The following UNC5D variants were observed in gnomAD, a reference collection of about 807,000 sequenced individuals.
UNC5D encodes netrin receptor UNC5D.
A neutral mutation model predicts 105.4 loss-of-function variants in UNC5D; 39 were observed. The observed-to-expected ratio is 0.37, with a 90% CI of 0.29 to 0.48. The LOEUF is 0.48. UNC5D is among the 20% of genes least tolerant of loss of function. The pLI is 0.98. For missense variants in UNC5D, 991 were observed against 1,202.4 expected (o/e 0.82, Z 2.60); for synonymous variants, 452 against 450.4 (o/e 1.00, Z -0.04).
At chr8:35,332,690 C>G (rs575218916) in intron 1 of UNC5D, among the ~76,000 whole-genome samples, 50 of 152,314 alleles carry the variant, frequency 3.3e-4, no homozygotes, top group African/African-American at 1.1e-3. Context: ...GTTCTAGGCA[C>G]TTCCTTTCTG....
chr8:35,280,999 G>T (rs1806113346), intron 1 of UNC5D, among the ~76,000 whole-genome samples: 1 of 152,062 alleles, frequency 6.6e-6, no homozygotes, highest in Non-Finnish European at 1.5e-5. Flanking sequence ...TCAGCTTGAT[G>T]CCTTTTCCCC....
chr8:35,307,875 G>C (rs996152004), intron 1 of UNC5D, among the ~76,000 whole-genome samples: 2 of 152,040 alleles, frequency 1.3e-5, no homozygotes, highest in Non-Finnish European at 2.9e-5. Context: ...AAGACTGTTG[G>C]GGGGAAACTT....
rs76466101 is a variant in UNC5D, at chr8:35,397,618, C to T, written c.104-151674C>T. 6.6e-5 allele frequency among the ~76,000 whole-genome samples: 10 copies of T among 152,188 alleles called. No homozygotes were observed. In the East Asian group the frequency reaches 1.9e-3, roughly 29 times the overall value. On this transcript the variant is annotated intron_variant, in intron 1 of 16. Transcript: ENST00000404895. The stretch of plus-strand genomic sequence containing the variant: ...TCAGCTGGTCTTTGCTCTGTTCCCT[C>T]ATCCCAGTGTACAGTTGTCTGCCAA...
intron 15 of UNC5D, among the ~76,000 whole-genome samples, chr8:35,768,975 C>T (rs1040230312): frequency 6.6e-6 from 1 of 152,170 alleles, no homozygotes; most frequent in African/African-American, 2.4e-5. Context: ...AGCATAGCTA[C>T]AGAATTTGGC....
intron 7 of UNC5D, among the ~76,000 whole-genome samples, chr8:35,688,959 T>G (rs1340242040): frequency 6.6e-6 from 1 of 152,230 alleles, no homozygotes; most frequent in Non-Finnish European, 1.5e-5. Context: ...TCTGGTCAAT[T>G]TTATGTGTCA....
At chr8:35,784,631 C>T (rs1802660246) in intron 16 of UNC5D, among the ~76,000 whole-genome samples, 1 of 151,900 alleles carries the variant, frequency 6.6e-6, no homozygotes, top group Admixed American at 6.6e-5. Flanking sequence ...ACCTGTAATC[C>T]CTGCTACTCG....
intron 4 of UNC5D, among the ~76,000 whole-genome samples, chr8:35,607,445 T>C (rs777135737): frequency 6.6e-5 from 10 of 152,194 alleles, no homozygotes; most frequent in Non-Finnish European, 1.2e-4. Flanking sequence ...TCCATGCTTC[T>C]CTCCTAGATG....
At chr8:35,289,770 G>A (rs1177033051) in intron 1 of UNC5D, among the ~76,000 whole-genome samples, 2 of 152,178 alleles carry the variant, frequency 1.3e-5, no homozygotes, top group Non-Finnish European at 2.9e-5. Flanking sequence ...CATATAAATG[G>A]CCAATAGGTA....
At chr8:35,350,384 G>T (rs539024621) in intron 1 of UNC5D, among the ~76,000 whole-genome samples, 1 of 152,070 alleles carries the variant, frequency 6.6e-6, no homozygotes, top group African/African-American at 2.4e-5. Flanking sequence ...CTCCCTTAGC[G>T]TAGGTGTCTT....
intron 1 of UNC5D, among the ~76,000 whole-genome samples, chr8:35,427,144 TC>T (rs1563407419): frequency 1.3e-5 from 2 of 152,142 alleles, no homozygotes; most frequent in Admixed American, 6.5e-5. Context: ...AATTCAGGGT[TC>T]CCCCCAACTA....
chr8:35,511,888 A>C (rs751988835), intron 1 of UNC5D, among the ~76,000 whole-genome samples: 1 of 152,134 alleles, frequency 6.6e-6, no homozygotes, highest in South Asian at 2.1e-4. Context: ...AAACTGATAT[A>C]CTTAACCTTG....
chr8:35,675,778 C>T (rs993642437), intron 4 of UNC5D, among the ~76,000 whole-genome samples: 6 of 151,874 alleles, frequency 4.0e-5, no homozygotes, highest in Middle Eastern at 3.4e-3. Context: ...TTGTTTTTTC[C>T]ATTTCTAAAG....
At chr8:35,603,992 T>C (rs1820087510) in intron 4 of UNC5D, among the ~76,000 whole-genome samples, 1 of 152,250 alleles carries the variant, frequency 6.6e-6, no homozygotes, top group African/African-American at 2.4e-5. Flanking sequence ...CTTGACTCTT[T>C]ATCCAGATTG....
intron 1 of UNC5D, among the ~76,000 whole-genome samples, chr8:35,311,885 C>T (rs1000550520): frequency 3.3e-5 from 5 of 152,148 alleles, no homozygotes; most frequent in African/African-American, 9.7e-5. Context: ...GTGGTATTTA[C>T]AATCCTTGTA....
intron 4 of UNC5D, among the ~76,000 whole-genome samples, chr8:35,660,088 C>T (rs766883150): frequency 1.3e-5 from 2 of 152,178 alleles, no homozygotes; most frequent in Admixed American, 6.5e-5. Context: ...TTACATTAAA[C>T]CTTTTATCCC....
chr8:35,534,216 A>T (rs1265068828), intron 1 of UNC5D, among the ~76,000 whole-genome samples: 1 of 152,194 alleles, frequency 6.6e-6, no homozygotes, highest in African/African-American at 2.4e-5. Context: ...AATGTAGCAT[A>T]TATCTAGAGT....
chr8:35,677,885 A>T (rs1825361077), intron 4 of UNC5D, among the ~76,000 whole-genome samples: 2 of 119,792 alleles, frequency 1.7e-5, no homozygotes, highest in African/African-American at 2.7e-5. Flanking sequence ...AGGGTGTGTG[A>T]GTGTCTGTGT....
chr8:35,490,897 A>G (rs2130103004), intron 1 of UNC5D, among the ~76,000 whole-genome samples: 1 of 151,978 alleles, frequency 6.6e-6, no homozygotes, highest in South Asian at 2.1e-4. Context: ...ATTTTCTTTA[A>G]CTATTTCTGG....
At chr8:35,338,848 T>C (rs1811247749) in intron 1 of UNC5D, among the ~76,000 whole-genome samples, 1 of 152,160 alleles carries the variant, frequency 6.6e-6, no homozygotes, top group Admixed American at 6.5e-5. Flanking sequence ...ATTCTATTCC[T>C]CACCTTCACA....
Sources: gnomAD v4.1 joint callset for allele counts (sites outside exome capture counted in the v4.1 genomes callset) on GRCh38, gnomAD v4.1.1 for gene constraint, MANE v1.5 for transcripts, NCBI Gene and HGNC (gene_info 2026-07-23, HGNC 2026-07-21) for gene names.